NFATC2: variants seen among roughly 807,000 people sequenced by gnomAD.
NFATC2 encodes nuclear factor of activated T cells 2, also known as nuclear factor of activated T-cells, cytoplasmic 2.
Under a neutral mutation model 87.3 loss-of-function variants are expected in NFATC2, and 22 were observed. That is an observed-to-expected ratio of 0.25 (90% CI 0.18 to 0.36). The LOEUF (loss-of-function observed/expected upper bound fraction) is 0.36. NFATC2 is among the 10% of genes least tolerant of loss of function. The pLI is 1.00. For synonymous variants in NFATC2, 565 were observed against 542.2 expected, an observed-to-expected ratio of 1.04 and a Z score of -0.58; for missense variants, 1,149 against 1,259.1, an observed-to-expected ratio of 0.91 and a Z score of 1.32.
At chr20:51,508,685 G>C (rs757687450) in intron 3 of NFATC2, among the ~76,000 whole-genome samples, 3 of 151,936 alleles carry the variant, frequency 2.0e-5, no homozygotes, top group Non-Finnish European at 4.4e-5. Flanking sequence ...CAGGAGTCTC[G>C]GCAGGGATGA....
intron 5 of NFATC2, among the ~76,000 whole-genome samples, chr20:51,462,687 G>A (rs73270000): frequency 3.6e-4 from 55 of 152,310 alleles, no homozygotes; most frequent in African/African-American, 1.3e-3. Context: ...GCTGCCTGCA[G>A]ATTAAATGAG....
chr20:51,504,472 G>A (rs1238859553), intron 3 of NFATC2, among the ~76,000 whole-genome samples: 2 of 152,174 alleles, frequency 1.3e-5, no homozygotes, highest in East Asian at 3.8e-4. Context: ...GAGCAACAAT[G>A]AGAGCCCCCA....
intron 3 of NFATC2, among the ~76,000 whole-genome samples, chr20:51,479,402 G>A (rs988980503): frequency 2.0e-5 from 3 of 151,084 alleles, no homozygotes; most frequent in African/African-American, 7.3e-5. Context: ...TAGATCTCTC[G>A]AGCCCAGAAG....
intron 9 of NFATC2, among the ~76,000 whole-genome samples, chr20:51,413,851 C>T (rs1211887946): frequency 1.3e-5 from 2 of 152,212 alleles, no homozygotes; most frequent in Non-Finnish European, 2.9e-5. Flanking sequence ...GGACCAGTTA[C>T]TTAACCTCCC....
At chr20:51,397,975 A>ATAAGGTCTTCTTAG (rs1555865715) in intron 10 of NFATC2, among the ~76,000 whole-genome samples, 2 of 152,266 alleles carry the variant, frequency 1.3e-5, no homozygotes, top group African/African-American at 4.8e-5. Flanking sequence ...AACCTGCACG[A>ATAAGGTCTTCTTAG]TAAGGTCTTC....
intron 3 of NFATC2, among the ~76,000 whole-genome samples, chr20:51,499,682 C>A (rs1327451196): frequency 6.6e-6 from 1 of 151,184 alleles, no homozygotes; most frequent in Non-Finnish European, 1.5e-5. Context: ...GCAGATGTTG[C>A]AGTGAGCCGA....
chr20:51,450,563 T>C (rs566704015), intron 6 of NFATC2, among the ~76,000 whole-genome samples: 3 of 152,312 alleles, frequency 2.0e-5, no homozygotes, highest in South Asian at 4.1e-4. Flanking sequence ...CTTATTTACA[T>C]ATTTAACTCC....
At chr20:51,401,449 A>G (rs1372982612) in intron 9 of NFATC2, among the ~76,000 whole-genome samples, 1 of 152,230 alleles carries the variant, frequency 6.6e-6, no homozygotes, top group Non-Finnish European at 1.5e-5. Context: ...ACCAGTCTAA[A>G]AGAGGCCATT....
chr20:51,396,532 G>T (rs1987170153), intron 10 of NFATC2, among the ~76,000 whole-genome samples: 1 of 152,178 alleles, frequency 6.6e-6, no homozygotes, highest in Non-Finnish European at 1.5e-5. Context: ...CCTCAAGCAT[G>T]TTTTCCAAAA....
chr20:51,443,043 C>G (rs778374367), intron 6 of NFATC2, among the ~76,000 whole-genome samples: 2 of 152,192 alleles, frequency 1.3e-5, no homozygotes, highest in Non-Finnish European at 2.9e-5. Context: ...CCTTCTCTCT[C>G]CCTCCAACAG....
intron 2 of NFATC2, among the ~76,000 whole-genome samples, chr20:51,517,445 A>T (rs1425053886): frequency 6.6e-6 from 1 of 152,006 alleles, no homozygotes; most frequent in Non-Finnish European, 1.5e-5. Context: ...AAAAAAAATC[A>T]GCCAAGCAAT....
chr20:51,518,364 T>C (rs2076387990), intron 2 of NFATC2, among the ~76,000 whole-genome samples: 1 of 152,292 alleles, frequency 6.6e-6, no homozygotes, highest in Admixed American at 6.5e-5. Flanking sequence ...TAAAGCCAAT[T>C]CTATGTCTTC....
At chr20:51,550,282 A>G (rs1280370105) in intron 1 of NFATC2, among the ~76,000 whole-genome samples, 1 of 152,108 alleles carries the variant, frequency 6.6e-6, no homozygotes, top group Non-Finnish European at 1.5e-5. Flanking sequence ...GTAAGACCCC[A>G]TGTCTAAAAA....
chr20:51,499,930 T>C (rs1233153910), intron 3 of NFATC2, among the ~76,000 whole-genome samples: 1 of 152,212 alleles, frequency 6.6e-6, no homozygotes, highest in African/African-American at 2.4e-5. Context: ...GTCTGGCCTA[T>C]TGTACATGCT....
intron 1 of NFATC2, among the ~76,000 whole-genome samples, chr20:51,541,500 T>C (rs1199833370): frequency 2.0e-5 from 3 of 152,128 alleles, no homozygotes; most frequent in Non-Finnish European, 4.4e-5. Flanking sequence ...AAGTGACAGA[T>C]AAGCATTGGG....
At chr20:51,510,882 C>A (rs930956792) in intron 3 of NFATC2, among the ~76,000 whole-genome samples, 5 of 152,130 alleles carry the variant, frequency 3.3e-5, no homozygotes, top group South Asian at 2.1e-4. Flanking sequence ...ATAAATATAA[C>A]CTCTCTCTTA....
At chr20:51,416,835 G>A (rs944931217) in intron 9 of NFATC2, among the ~76,000 whole-genome samples, 5 of 152,180 alleles carry the variant, frequency 3.3e-5, no homozygotes, top group African/African-American at 9.7e-5. Context: ...GCAACAGATG[G>A]GAGCTGAGCA....
At chr20:51,520,742 C>T (rs1468676579) in intron 2 of NFATC2, among the ~76,000 whole-genome samples, 1 of 151,998 alleles carries the variant, frequency 6.6e-6, no homozygotes, top group Non-Finnish European at 1.5e-5. Context: ...CTCACTGCAA[C>T]CTCCGCCTCC....
At chr20:51,400,652 C>A (rs369673756) in intron 9 of NFATC2, among the ~76,000 whole-genome samples, 9 of 152,284 alleles carry the variant, frequency 5.9e-5, no homozygotes, top group African/African-American at 2.2e-4. Context: ...AGAGGCAGGG[C>A]CTGTCTTCAT....
Sources: allele counts gnomAD v4.1 joint callset (sites outside exome capture counted in the v4.1 genomes callset), GRCh38; gene constraint gnomAD v4.1.1; transcripts MANE v1.5; gene names NCBI Gene and HGNC (gene_info 2026-07-23, HGNC 2026-07-21).